The following LYSMD4 variants were observed in gnomAD, a reference collection of about 807,000 sequenced individuals.
The protein encoded by LYSMD4 is lysM and putative peptidoglycan-binding domain-containing protein 4.
Under a neutral mutation model 6.1 loss-of-function variants are expected in LYSMD4, and 9 were observed. The ratio of observed to expected loss-of-function variants is 1.47; its 90% CI spans 0.88 to 2.56. The LOEUF (loss-of-function observed/expected upper bound fraction) is 2.56, where lower values mean the gene tolerates loss of function less well. LYSMD4 is among the 30% of genes most tolerant of loss of function. LYSMD4 has a pLI of 0.00. For synonymous variants in LYSMD4, 143 were observed against 148.5 expected (o/e 0.96, Z 0.27); for missense variants, 384 against 373.5 (o/e 1.03, Z -0.23).
chr15:99,727,370 C>G (rs927343250), downstream of LYSMD4: 5 of 151,762 alleles, frequency 3.3e-5, no homozygotes, highest in African/African-American at 9.7e-5. Context: ...GTGAGACTGT[C>G]TCCAAAAAAA....
chr15:99,731,257 T>C, intron 2 of LYSMD4: 1 of 1,603,804 alleles, frequency 6.2e-7, no homozygotes, highest in Non-Finnish European at 8.5e-7. Flanking sequence ...CAAAAGACCA[T>C]GCAGTTCTAA....
exon 1 of LYSMD4, chr15:99,717,450 T>C (rs1179410786): frequency 6.6e-6 from 1 of 152,152 alleles, no homozygotes; most frequent in Non-Finnish European, 1.5e-5. Context: ...GACCACTCGG[T>C]TGTAAAACTG....
At position 99,733,327 on chromosome 15, in the gene LYSMD4, T is replaced by TCGTCCAGGCCCCGGTACCTCAG. The variant is rs1380579406; in HGVS notation, c.-13_-9+17dup. 2.6e-6 allele frequency: 1 copy of TCGTCCAGGCCCCGGTACCTCAG among 391,936 alleles called. No homozygotes were observed. The highest frequency in any genetic ancestry group is 4.5e-6 in the Non-Finnish European group (1 of 221,748). The allele number at this position is 391,936 out of a possible 1,614,324, so 24.3% of individuals were successfully genotyped here. A position where few individuals can be genotyped will look rare whatever the true frequency, so the allele number is the denominator to read the frequency against. On this transcript the variant is annotated intron_variant, in intron 1 of 2. Coordinates refer to ENST00000684762, the MANE Select transcript of LYSMD4 (RefSeq NM_001284417.2). ...GCTCCCTAGCCAGACCGCGGCCCCC[T>TCGTCCAGGCCCCGGTACCTCAG]CGTCCAGGCCCCGGTACCTCAGCGC...
At chr15:99,722,754 G>A (rs1046824011), downstream of LYSMD4, among the ~76,000 whole-genome samples, 10 of 152,178 alleles carry the variant, frequency 6.6e-5, no homozygotes, top group Non-Finnish European at 1.5e-4. Context: ...GATGCGTTGG[G>A]CCAGGCCCAA....
At chr15:99,723,295 G>A (rs537359780), downstream of LYSMD4, among the ~76,000 whole-genome samples, 98 of 152,244 alleles carry the variant, frequency 6.4e-4, no homozygotes, top group African/African-American at 2.2e-3. Context: ...ACAGAAATAT[G>A]AAGAAAGCCA....
chr15:99,722,566 G>A (rs2059245223), downstream of LYSMD4, among the ~76,000 whole-genome samples: 1 of 152,184 alleles, frequency 6.6e-6, no homozygotes, highest in Non-Finnish European at 1.5e-5. Context: ...GGCAGATGGA[G>A]GGAGAGATCA....
chr15:99,733,371 G>C lies in LYSMD4; in HGVS notation c.-35C>G, dbSNP rs1458927820. ...TCAGCGCCCAGGCTCCGCCGCGACCGGCGACCGGCGACTCGCGACCCGCGA... is the reference window on the plus strand; with the variant it reads ...TCAGCGCCCAGGCTCCGCCGCGACCCGCGACCGGCGACTCGCGACCCGCGA... On this transcript the variant is annotated 5_prime_UTR_variant, in exon 1 of 3. Transcript: ENST00000684762. 5.6e-5 allele frequency: 22 copies of C among 394,954 alleles called. No individual in the cohort carries two copies. The highest frequency in any genetic ancestry group is 9.4e-5 in the Non-Finnish European group (21 of 223,730). 24.5% of individuals were successfully genotyped at this position (394,954 alleles called of 1,614,324 possible). A position where few individuals can be genotyped will look rare whatever the true frequency, so the allele number is the denominator to read the frequency against.
intron 1 of LYSMD4, 92 bp from the exon 2 acceptor site, chr15:99,732,099 C>T (rs1291360207): frequency 4.5e-5 from 61 of 1,342,112 alleles, no homozygotes; most frequent in Non-Finnish European, 5.6e-5. Flanking sequence ...AGAGAGTATT[C>T]CTTTTCCTAA....
intron 2 of LYSMD4, among the ~76,000 whole-genome samples, chr15:99,730,478 A>G (rs896511412): frequency 6.6e-6 from 1 of 152,258 alleles, no homozygotes; most frequent in African/African-American, 2.4e-5. Flanking sequence ...TAATGTTTGA[A>G]AACTTTCCAA....
At chr15:99,716,803 C>T (rs1264808987) in exon 1 of LYSMD4, 1 of 396,786 alleles carries the variant, frequency 2.5e-6, no homozygotes, top group South Asian at 1.7e-5. Context: ...TCCATTCGGC[C>T]TCCAGTAACT....
intron 2 of LYSMD4, chr15:99,731,408 C>A: frequency 6.2e-7 from 1 of 1,612,290 alleles, no homozygotes; most frequent in Non-Finnish European, 8.5e-7. Flanking sequence ...CCCATTAGGT[C>A]TAAAATAAAA....
downstream of LYSMD4, among the ~76,000 whole-genome samples, chr15:99,723,097 G>A (rs998742972): frequency 1.3e-5 from 2 of 151,856 alleles, no homozygotes; most frequent in Non-Finnish European, 2.9e-5. Flanking sequence ...AGATACTACA[G>A]AGGAAAACAG....
chr15:99,733,091 G>C (rs540161334), intron 1 of LYSMD4: 6 of 358,190 alleles, frequency 1.7e-5, no homozygotes, highest in African/African-American at 1.3e-4. Flanking sequence ...CCCGGCCCCA[G>C]GGCTCCACGG....
intron 1 of LYSMD4, among the ~76,000 whole-genome samples, chr15:99,732,355 G>T (rs113844465): frequency 6.6e-6 from 1 of 152,218 alleles, no homozygotes; most frequent in African/African-American, 2.4e-5. Context: ...GCAAGTAAGG[G>T]CTGCCGCCAG....
At chr15:99,729,837 C>T in intron 2 of LYSMD4, 106 bp from the exon 3 acceptor site, 2 of 1,340,682 alleles carry the variant, frequency 1.5e-6, no homozygotes, top group South Asian at 3.0e-5. Context: ...AAGCCCACTT[C>T]ACTGACGAAT....
chr15:99,725,671 A>C (rs1442121005), downstream of LYSMD4, among the ~76,000 whole-genome samples: 1 of 151,970 alleles, frequency 6.6e-6, no homozygotes, highest in Non-Finnish European at 1.5e-5. Context: ...AATGGATCTA[A>C]CTTTTCTTAT....
At chr15:99,731,065 A>ATT in intron 2 of LYSMD4, 2 of 993,010 alleles carry the variant, frequency 2.0e-6, no homozygotes, top group South Asian at 2.9e-5. Context: ...TAAGTAGCTT[A>ATT]TATACCCCTA....
chr15:99,716,950 TGCA>T (rs1408374382), exon 1 of LYSMD4: 2 of 316,694 alleles, frequency 6.3e-6, no homozygotes, highest in African/African-American at 2.2e-5. Context: ...CTGAGCTAGA[TGCA>T]GCAGAAGACA....
chr15:99,729,444 A>C lies in LYSMD4; in HGVS notation c.570T>G (p.Ser190Arg). Residue 190 changes from serine (S) to arginine (R), a missense_variant, in exon 3 of 3, where the codon AGT becomes AGG. Physicochemically the swap from Ser to Arg is moderately radical, Grantham distance 110. Transcript: ENST00000684762. ...AVQSEIFLHE[S>R]YCMDTSHQPL... ...GCTGATGGGAGGTGTCCATGCAGTAACTTTCATGTAGAAAGATTTCTGACT... is the reference window on the plus strand; with the variant it reads ...GCTGATGGGAGGTGTCCATGCAGTACCTTTCATGTAGAAAGATTTCTGACT... 1 of 1,614,140 alleles carries C rather than the reference A, an allele frequency of 6.2e-7. No individual in the cohort carries two copies. Among genetic ancestry groups the C allele is most frequent in the Non-Finnish European group, 8.5e-7 (1 of 1,180,032 alleles).
Sources: allele counts gnomAD v4.1 joint callset (sites outside exome capture counted in the v4.1 genomes callset), GRCh38; gene constraint gnomAD v4.1.1; transcripts MANE v1.5; gene names NCBI Gene and HGNC (gene_info 2026-07-23, HGNC 2026-07-21).